The following PTPN4 variants were observed in gnomAD, a reference collection of about 807,000 sequenced individuals.
The protein encoded by PTPN4 is protein tyrosine phosphatase non-receptor type 4.
In PTPN4, 49 loss-of-function variants were observed where a neutral mutation model predicts 135.5. The ratio of observed to expected loss-of-function variants is 0.36; its 90% CI spans 0.29 to 0.46. The LOEUF (loss-of-function observed/expected upper bound fraction) is 0.46. Ranked by LOEUF, PTPN4 falls within the 20% of genes least tolerant of loss-of-function variation. The pLI is 1.00. For synonymous variants in PTPN4, 333 were observed against 369.9 expected, an observed-to-expected ratio of 0.90 and a Z score of 1.14; for missense variants, 860 against 1,101.0, an observed-to-expected ratio of 0.78 and a Z score of 3.10.
intron 3 of PTPN4, among the ~76,000 whole-genome samples, chr2:119,862,858 T>C (rs1677780911): frequency 6.6e-6 from 1 of 152,102 alleles, no homozygotes; most frequent in Non-Finnish European, 1.5e-5. Flanking sequence ...TGTCAGGTAA[T>C]GTCACTTTCA....
At chr2:119,784,588 T>C (rs530391246) in intron 1 of PTPN4, among the ~76,000 whole-genome samples, 113 of 151,846 alleles carry the variant, frequency 7.4e-4, no homozygotes, top group African/African-American at 1.9e-3. Flanking sequence ...AGGGTTTCGC[T>C]GTGTTAGCCA....
chr2:119,926,569 T>C, intron 12 of PTPN4, 29 bp from the exon 13 acceptor site: 1 of 1,487,334 alleles, frequency 6.7e-7, no homozygotes, highest in South Asian at 1.2e-5. Context: ...TCTTAAGACT[T>C]TATTGTTGTG....
chr2:119,826,508 G>A (rs894081702), intron 2 of PTPN4, among the ~76,000 whole-genome samples: 1 of 152,166 alleles, frequency 6.6e-6, no homozygotes, highest in East Asian at 1.9e-4. Context: ...ATTTGGCAAC[G>A]TCTGTAGACA....
intron 9 of PTPN4, among the ~76,000 whole-genome samples, chr2:119,893,283 C>T (rs1182912550): frequency 1.3e-5 from 2 of 152,074 alleles, no homozygotes; most frequent in African/African-American, 4.8e-5. Context: ...AGCTTTTACT[C>T]ATGTGTACTG....
chr2:119,943,992 T>TG (rs1477970156), intron 15 of PTPN4, among the ~76,000 whole-genome samples: 1 of 152,024 alleles, frequency 6.6e-6, no homozygotes, highest in Non-Finnish European at 1.5e-5. Context: ...CTAATGTCAG[T>TG]GGGGGGAAGA....
Position 119,934,831 on chromosome 2 carries a change from C to T in PTPN4, c.1228C>T (p.Arg410Trp), listed in dbSNP as rs771281366. The T allele has an allele frequency of 5.0e-6, 8 of 1,613,784 alleles. No individual in the cohort carries two copies. The highest frequency in any genetic ancestry group is 4.0e-5 in the African/African-American group (3 of 74,898). Residue 410 changes from arginine (R) to tryptophan (W), a missense_variant, in exon 15 of 27, where the codon CGG becomes TGG. Transcript: ENST00000263708. Reference protein sequence around the residue: ...RNSTFTQEGTRLRPSSVGHLV... With the variant: ...RNSTFTQEGTWLRPSSVGHLV... ...TTCTACATTCACGCAGGAAGGAACC[C>T]GGTTACGACCATCTTCAGTTGGTCA... is the stretch of plus-strand genomic sequence containing the variant.
At chr2:119,770,597 C>T (rs950735428) in intron 1 of PTPN4, among the ~76,000 whole-genome samples, 3 of 152,070 alleles carry the variant, frequency 2.0e-5, no homozygotes, top group African/African-American at 7.2e-5. Flanking sequence ...TATATTAATG[C>T]TTTGTACCAT....
intron 2 of PTPN4, among the ~76,000 whole-genome samples, chr2:119,844,813 CG>C (rs1453300657): frequency 6.9e-6 from 1 of 144,498 alleles, no homozygotes; most frequent in Non-Finnish European, 1.5e-5. Flanking sequence ...AGACGATGGG[CG>C]GCCAGGCAGA....
intron 2 of PTPN4, among the ~76,000 whole-genome samples, chr2:119,860,479 A>G (rs570548858): frequency 4.6e-5 from 7 of 152,238 alleles, no homozygotes; most frequent in African/African-American, 1.2e-4. Flanking sequence ...CAGATGAGAA[A>G]GATGGAAAGA....
At chr2:119,952,307 C>T (rs1457704061) in intron 19 of PTPN4, among the ~76,000 whole-genome samples, 178 bp downstream of exon 19, 1 of 152,068 alleles carries the variant, frequency 6.6e-6, no homozygotes, top group African/African-American at 2.4e-5. Flanking sequence ...ACCCCTTGCT[C>T]CCACTCAGCC....
chr2:119,868,879 C>T (rs908193443), intron 3 of PTPN4, among the ~76,000 whole-genome samples: 3 of 152,150 alleles, frequency 2.0e-5, no homozygotes, highest in Non-Finnish European at 4.4e-5. Flanking sequence ...TGATTTCCCA[C>T]TTCACACCTC....
chr2:119,849,741 G>A (rs924039597), intron 2 of PTPN4, among the ~76,000 whole-genome samples: 4 of 152,160 alleles, frequency 2.6e-5, no homozygotes, highest in African/African-American at 7.2e-5. Flanking sequence ...CTCACAGTGC[G>A]CACAGCATTA....
chr2:119,891,100 A>T (rs971047943), intron 9 of PTPN4, among the ~76,000 whole-genome samples: 24 of 152,180 alleles, frequency 1.6e-4, no homozygotes, highest in South Asian at 1.4e-3. Flanking sequence ...TGGGGGTACA[A>T]GTAACATGTA....
chr2:119,865,073 T>C (rs1677813106), intron 3 of PTPN4, among the ~76,000 whole-genome samples: 1 of 152,172 alleles, frequency 6.6e-6, no homozygotes, highest in South Asian at 2.1e-4. Flanking sequence ...TCTTGTCCAC[T>C]GCACTGCAGT....
In PTPN4 at chr2:119,794,135, G is replaced by A. The variant is rs972419202; in HGVS notation, c.-17-15702G>A. Among the ~76,000 whole-genome samples, 16 of 152,044 alleles carry A rather than the reference G, an allele frequency of 1.1e-4. No homozygotes were observed. In the South Asian group the frequency reaches 1.9e-3, roughly 18 times the overall value. ...AGTGCTGGTATTATAGGTTTGAGTC[G>A]CTGCACCTGGCCAGATTTTTTTTTA... On this transcript the variant is annotated intron_variant, in intron 1 of 26. Transcript: ENST00000263708.
intron 10 of PTPN4, among the ~76,000 whole-genome samples, chr2:119,912,695 C>G (rs1678591879): frequency 6.6e-6 from 1 of 152,072 alleles, no homozygotes; most frequent in Admixed American, 6.6e-5. Context: ...TTGAAAACAT[C>G]AAACTGAATT....
At chr2:119,907,235 C>G (rs1192222621) in intron 10 of PTPN4, among the ~76,000 whole-genome samples, 3 of 152,170 alleles carry the variant, frequency 2.0e-5, no homozygotes, top group South Asian at 2.1e-4. Context: ...CCAAAGCATT[C>G]TACAGATTCA....
At chr2:119,906,616 C>A (rs991277991) in intron 10 of PTPN4, among the ~76,000 whole-genome samples, 2 of 152,086 alleles carry the variant, frequency 1.3e-5, no homozygotes, top group African/African-American at 2.4e-5. Flanking sequence ...AATTCAACAT[C>A]CCTTCATGAT....
intron 1 of PTPN4, 40 bp from the exon 2 acceptor site, chr2:119,809,797 C>T (rs772137510): frequency 1.3e-4 from 198 of 1,498,650 alleles, no homozygotes; most frequent in Middle Eastern, 8.9e-4. Flanking sequence ...TTATATTTTA[C>T]GAACCTTTTA....
Sources: allele counts gnomAD v4.1 joint callset (sites outside exome capture counted in the v4.1 genomes callset), GRCh38; gene constraint gnomAD v4.1.1; transcripts MANE v1.5; gene names NCBI Gene and HGNC (gene_info 2026-07-23, HGNC 2026-07-21).